Variants in AAK1 observed in about 807,000 individuals in gnomAD.
AAK1 encodes AP2-associated protein kinase 1.
A neutral mutation model predicts 116.0 loss-of-function variants in AAK1; 37 were observed. That is an observed-to-expected ratio of 0.32 (90% CI 0.25 to 0.42). The LOEUF (loss-of-function observed/expected upper bound fraction) is 0.42, where lower values mean the gene tolerates loss of function less well. AAK1 is among the 10% of genes least tolerant of loss of function. The probability of loss-of-function intolerance (pLI) is 1.00; values close to 1 mark genes in which losing one functional copy is unlikely to be tolerated. For missense variants in AAK1, 919 were observed against 1,170.6 expected (o/e 0.79, Z 3.14); for synonymous variants, 458 against 439.9 (o/e 1.04, Z -0.51).
intron 11 of AAK1, among the ~76,000 whole-genome samples, chr2:69,520,484 C>T (rs901912296): frequency 2.6e-5 from 4 of 151,844 alleles, no homozygotes; most frequent in African/African-American, 4.8e-5. Context: ...TCAGCCTCCC[C>T]AGTAGCTGGG....
At chr2:69,552,332 GAC>G (rs2105074660) in intron 3 of AAK1, among the ~76,000 whole-genome samples, 1 of 152,288 alleles carries the variant, frequency 6.6e-6, no homozygotes, top group African/African-American at 2.4e-5. Context: ...GATATTAAAT[GAC>G]AGCCTTTTCA....
intron 5 of AAK1, among the ~76,000 whole-genome samples, chr2:69,538,865 G>A (rs1161790517): frequency 1.3e-5 from 2 of 152,086 alleles, no homozygotes; most frequent in Non-Finnish European, 2.9e-5. Context: ...CTGGGCAAGA[G>A]AGCAAGACTT....
chr2:69,598,509 T>A (rs1239735220), intron 2 of AAK1: 2 of 161,388 alleles, frequency 1.2e-5, no homozygotes, highest in Admixed American at 1.3e-4. Flanking sequence ...ACAAACGTTT[T>A]CTTTTTCTTT....
Position 69,520,925 on chromosome 2 carries a change from C to A in AAK1, c.1119G>T (p.Gly373=). The change falls in exon 11 of 22, where the codon GGG becomes GGT. Residue 373 remains glycine (G), a synonymous_variant. Transcript: ENST00000409085. ...GGATTCCTGGGTTCGGCTGAGTCTG[C>A]CCAGCTTTAGGCCTCTGGCGGGGTG... ...SIAPRQRPKA[G]QTQPNPGILP... 6.2e-7 allele frequency: 1 copy of A among 1,612,412 alleles called. No individual in the cohort carries two copies. Among genetic ancestry groups the A allele is most frequent in the African/African-American group, 1.3e-5 (1 of 74,952 alleles).
Position 69,516,446 on chromosome 2 carries a change from G to C in AAK1, c.1498-1697C>G, listed in dbSNP as rs73935101. On this transcript the variant is annotated intron_variant, in intron 12 of 21. Transcript: ENST00000409085. The stretch of plus-strand genomic sequence containing the variant: ...ACAAAACAAAATATATTTTCTAATT[G>C]TCCACTGAGAAGGCCTAGAAACAAC... 5.3e-3 allele frequency among the ~76,000 whole-genome samples: 810 copies of C among 151,918 alleles called. 11 individuals carry two copies. Among genetic ancestry groups the C allele is most frequent in the African/African-American group, 0.018 (736 of 41,434 alleles).
chr2:69,523,074 G>A, intron 10 of AAK1, among the ~76,000 whole-genome samples: 1 of 152,252 alleles, frequency 6.6e-6, no homozygotes, highest in East Asian at 1.9e-4. Flanking sequence ...TAAGGCAGAT[G>A]TGAACATCAA....
At chr2:69,576,836 A>G (rs1014983035) in intron 2 of AAK1, among the ~76,000 whole-genome samples, 5 of 152,192 alleles carry the variant, frequency 3.3e-5, no homozygotes, top group Non-Finnish European at 7.3e-5. Flanking sequence ...AAGTGTCTCC[A>G]CCTTAGATAG....
intron 2 of AAK1, among the ~76,000 whole-genome samples, chr2:69,577,663 C>A (rs1307002883): frequency 6.6e-6 from 1 of 152,186 alleles, no homozygotes; most frequent in Non-Finnish European, 1.5e-5. Context: ...TGGCCCTAAC[C>A]CCTACTCTTG....
In AAK1 at chr2:69,466,608, C is replaced by G; in HGVS notation, c.*9261G>C. The G allele has an allele frequency of 7.2e-6, 8 of 1,109,070 alleles. No homozygotes were observed. The highest frequency in any genetic ancestry group is 8.9e-6 in the Non-Finnish European group (8 of 899,590). The allele number at this position is 1,109,070 out of a possible 1,614,324, so 68.7% of individuals were successfully genotyped here. ...TAGGTCAATTCAACTCTATTTGGAA[C>G]ATTTAATGGTCAACCCGCGGCAAAA... On this transcript the variant is annotated 3_prime_UTR_variant, in exon 22 of 22. Coordinates refer to ENST00000409085, the MANE Select transcript of AAK1 (RefSeq NM_014911.5).
intron 2 of AAK1, among the ~76,000 whole-genome samples, chr2:69,564,413 G>T (rs1372795741): frequency 6.7e-6 from 1 of 150,222 alleles, no homozygotes; most frequent in African/African-American, 2.5e-5. Context: ...TTGGAGAAAG[G>T]CTAGAAAAAA....
rs905523064 is a variant in AAK1, at chr2:69,466,262, G to A, written c.*9607C>T. On this transcript the variant is annotated 3_prime_UTR_variant, in exon 22 of 22. Coordinates refer to ENST00000409085, the MANE Select transcript of AAK1 (RefSeq NM_014911.5). ...GAACGGCTCCTCCCAGCTTCCCCGG[G>A]GGGGGTCTGCAGCTCTCATCTTCTT... is the stretch of plus-strand genomic sequence containing the variant. 9 of 1,289,672 alleles carry A rather than the reference G, an allele frequency of 7.0e-6. No individual in the cohort carries two copies. The highest frequency in any genetic ancestry group is 1.2e-5 in the South Asian group (1 of 81,030). The allele number at this position is 1,289,672 out of a possible 1,614,324, so 79.9% of individuals were successfully genotyped here.
rs78946376 is a variant in AAK1, at chr2:69,465,034, G to A, written c.*10835C>T. The A allele has an allele frequency of 0.012, 2,100 of 176,444 alleles. 136 individuals carry two copies. The East Asian group carries it at 0.18, about 15-fold the overall frequency. 10.9% of individuals were successfully genotyped at this position (176,444 alleles called of 1,614,324 possible). On this transcript the variant is annotated 3_prime_UTR_variant, in exon 22 of 22. Coordinates refer to ENST00000409085, the MANE Select transcript of AAK1 (RefSeq NM_014911.5). ...TCGATGGGCATGACTTAGAACAGGAGCTACAGGAATTAAAACTAGCAACAA... is the reference window on the plus strand; with the variant it reads ...TCGATGGGCATGACTTAGAACAGGAACTACAGGAATTAAAACTAGCAACAA...
At chr2:69,550,508 T>C (rs1426002391) in intron 3 of AAK1, among the ~76,000 whole-genome samples, 1 of 152,156 alleles carries the variant, frequency 6.6e-6, no homozygotes, top group Non-Finnish European at 1.5e-5. Context: ...TTTCACCATG[T>C]TGGCCAGGAT....
rs548662299 is a variant in AAK1 at position 69,554,012 on chromosome 2, G to A, written c.282+2848C>T. 1.9e-3 allele frequency among the ~76,000 whole-genome samples: 288 copies of A among 152,014 alleles called. 11 individuals are homozygous for A. In the South Asian group the frequency reaches 0.048, roughly 25 times the overall value. ...GAATTGCTTGAGACCAGGAGATGGCGGCTGCAGTGAGCTATGATTGTGCCA... is the reference window on the plus strand; with the variant it reads ...GAATTGCTTGAGACCAGGAGATGGCAGCTGCAGTGAGCTATGATTGTGCCA... On this transcript the variant is annotated intron_variant, in intron 3 of 21. Transcript: ENST00000409085.
At chr2:69,529,532 T>G (rs975953224) in intron 8 of AAK1, among the ~76,000 whole-genome samples, 2 of 152,236 alleles carry the variant, frequency 1.3e-5, no homozygotes, top group African/African-American at 4.8e-5. Flanking sequence ...TTTAGATGCA[T>G]GTTATCAAAA....
At chr2:69,636,266 T>C (rs75325796) in intron 2 of AAK1, among the ~76,000 whole-genome samples, 3,635 of 152,328 alleles carry the variant, frequency 0.024, 265 homozygotes, top group East Asian at 0.16. Context: ...AGAGCTGTCA[T>C]ATCTATTCCT....
chr2:69,575,106 G>A (rs1672251443), intron 2 of AAK1, among the ~76,000 whole-genome samples: 1 of 150,694 alleles, frequency 6.6e-6, no homozygotes. Context: ...ACTTGTGGAT[G>A]ATGATCTATG....
chr2:69,510,752 G>T (rs1676361594), intron 13 of AAK1, among the ~76,000 whole-genome samples: 1 of 152,008 alleles, frequency 6.6e-6, no homozygotes, highest in East Asian at 1.9e-4. Flanking sequence ...CTATTTCTGT[G>T]GCAACTCCTA....
intron 4 of AAK1, among the ~76,000 whole-genome samples, chr2:69,543,414 T>C (rs1213113503): frequency 2.6e-5 from 4 of 152,142 alleles, no homozygotes; most frequent in Non-Finnish European, 5.9e-5. Context: ...ATGGATAGTA[T>C]CTTCTTTTTT....
Sources: gnomAD v4.1 joint callset for allele counts (sites outside exome capture counted in the v4.1 genomes callset) on GRCh38, gnomAD v4.1.1 for gene constraint, MANE v1.5 for transcripts, NCBI Gene and HGNC (gene_info 2026-07-23, HGNC 2026-07-21) for gene names.